Variants in SNX29 observed in about 807,000 individuals in gnomAD.
SNX29 encodes the protein sorting nexin 29.
Under a neutral mutation model 102.1 loss-of-function variants are expected in SNX29, and 78 were observed. The ratio of observed to expected loss-of-function variants is 0.76; its 90% CI spans 0.64 to 0.92. The LOEUF (loss-of-function observed/expected upper bound fraction) is 0.92, where lower values mean the gene tolerates loss of function less well. SNX29 is among the 40% of genes least tolerant of loss of function. The pLI is 0.00. For synonymous variants in SNX29, 580 were observed against 414.5 expected, an observed-to-expected ratio of 1.40 and a Z score of -4.85; for missense variants, 1,280 against 1,061.7, an observed-to-expected ratio of 1.21 and a Z score of -2.86.
intron 14 of SNX29, among the ~76,000 whole-genome samples, chr16:12,273,451 C>T (rs772969112): frequency 6.6e-6 from 1 of 150,698 alleles, no homozygotes; most frequent in Admixed American, 6.6e-5. Context: ...CTCTGCCTCC[C>T]GGATTCAAGT....
intron 2 of SNX29, 46 bp downstream of exon 2, chr16:11,999,404 C>T (rs1186229420): frequency 6.3e-7 from 1 of 1,585,578 alleles, no homozygotes; most frequent in African/African-American, 1.3e-5. Flanking sequence ...GTAATAGTGT[C>T]AGATAATTAA....
chr16:12,149,326 C>T (rs910080989), intron 13 of SNX29, among the ~76,000 whole-genome samples: 1 of 152,128 alleles, frequency 6.6e-6, no homozygotes, highest in Admixed American at 6.5e-5. Flanking sequence ...TTCTCACTGG[C>T]CTGAACTTAC....
chr16:12,525,040 G>T (rs1367950227), intron 20 of SNX29, among the ~76,000 whole-genome samples, 199 bp downstream of exon 20: 2 of 152,174 alleles, frequency 1.3e-5, no homozygotes, highest in African/African-American at 4.8e-5. Context: ...GATGGGAAGA[G>T]AGCAGGCCTG....
At chr16:12,434,390 C>A (rs1035305884) in intron 18 of SNX29, among the ~76,000 whole-genome samples, 1 of 152,112 alleles carries the variant, frequency 6.6e-6, no homozygotes, top group Admixed American at 6.6e-5. Flanking sequence ...GGCCTGTACC[C>A]TGAAAACTGC....
At chr16:12,015,599 G>A (rs752143018) in intron 3 of SNX29, among the ~76,000 whole-genome samples, 3 of 148,814 alleles carry the variant, frequency 2.0e-5, no homozygotes, top group African/African-American at 5.0e-5. Flanking sequence ...GCAGTGATGC[G>A]ATCTTGGCTC....
At chr16:12,217,463 A>T (rs151144490) in intron 14 of SNX29, among the ~76,000 whole-genome samples, 104 of 152,252 alleles carry the variant, frequency 6.8e-4, no homozygotes, top group African/African-American at 2.3e-3. Flanking sequence ...GTCTCTACTC[A>T]ATACTTTGAA....
intron 14 of SNX29, among the ~76,000 whole-genome samples, chr16:12,270,615 A>C (rs963688725): frequency 6.6e-6 from 1 of 152,194 alleles, no homozygotes; most frequent in South Asian, 2.1e-4. Flanking sequence ...GTAAATATTA[A>C]TCCTTATGCT....
At chr16:12,431,538 C>T (rs547082751) in intron 18 of SNX29, among the ~76,000 whole-genome samples, 1 of 149,406 alleles carries the variant, frequency 6.7e-6, no homozygotes, top group African/African-American at 2.5e-5. Flanking sequence ...TGAAAAAAGT[C>T]AGCTCTGATA....
chr16:12,343,700 G>A (rs775802013), intron 15 of SNX29, among the ~76,000 whole-genome samples: 3 of 150,804 alleles, frequency 2.0e-5, no homozygotes, highest in Non-Finnish European at 4.4e-5. Context: ...CACGAGATAG[G>A]GAGCTCTGTG....
chr16:12,351,531 G>C (rs1015441876), intron 15 of SNX29, among the ~76,000 whole-genome samples: 1 of 152,190 alleles, frequency 6.6e-6, no homozygotes, highest in Non-Finnish European at 1.5e-5. Context: ...TTACTTGAAT[G>C]TGATTAGATG....
intron 15 of SNX29, among the ~76,000 whole-genome samples, chr16:12,350,894 T>A (rs1302964801): frequency 1.4e-4 from 22 of 152,166 alleles, no homozygotes; most frequent in Admixed American, 1.4e-3. Context: ...TGACTAGTGA[T>A]CAGCTTGGGT....
At chr16:11,988,658 C>A (rs779498484) in intron 1 of SNX29, among the ~76,000 whole-genome samples, 2 of 152,088 alleles carry the variant, frequency 1.3e-5, no homozygotes, top group African/African-American at 2.4e-5. Context: ...TCTCTACCTC[C>A]CAAAATGCCA....
intron 14 of SNX29, among the ~76,000 whole-genome samples, chr16:12,210,373 G>A (rs1387989661): frequency 1.3e-5 from 2 of 150,908 alleles, no homozygotes; most frequent in Non-Finnish European, 2.9e-5. Context: ...TGTTGCCCAG[G>A]CTGGAGCGCA....
chr16:12,125,218 C>T (rs868609491), intron 11 of SNX29, among the ~76,000 whole-genome samples: 3 of 152,090 alleles, frequency 2.0e-5, no homozygotes, highest in African/African-American at 4.8e-5. Flanking sequence ...GGTTCAAGCC[C>T]GTTGAAAGAA....
intron 11 of SNX29, among the ~76,000 whole-genome samples, chr16:12,110,828 A>ATT (rs1200927051): frequency 6.7e-6 from 1 of 150,190 alleles, no homozygotes; most frequent in Non-Finnish European, 1.5e-5. Flanking sequence ...TTTCTTTTTT[A>ATT]ATTTTTTTTT....
intron 18 of SNX29, among the ~76,000 whole-genome samples, chr16:12,421,447 C>G (rs994207349): frequency 2.0e-5 from 3 of 152,220 alleles, no homozygotes; most frequent in African/African-American, 7.2e-5. Context: ...TAAAAGCCAG[C>G]TGTGTTGTAA....
At chr16:12,170,352 G>A (rs942434462) in intron 13 of SNX29, among the ~76,000 whole-genome samples, 13 of 152,030 alleles carry the variant, frequency 8.6e-5, no homozygotes, top group African/African-American at 2.4e-4. Context: ...TGGGGAGGCC[G>A]TGTAGCGTTT....
rs2083212569 is a variant in SNX29 at position 12,382,701 on chromosome 16, A to G, written c.1900-15745A>G. 2.6e-5 allele frequency among the ~76,000 whole-genome samples: 4 copies of G among 152,194 alleles called. No homozygotes were observed. The South Asian group carries it at 8.3e-4, about 32-fold the overall frequency. On this transcript the variant is annotated intron_variant, in intron 16 of 20. Coordinates refer to ENST00000566228, the MANE Select transcript of SNX29 (RefSeq NM_032167.5). ...CAGAGTCGGCAATCACGGTGCCAGCAGTGGCAGGGCTGTGTTCCCCCTGGA... is the reference window on the plus strand; with the variant it reads ...CAGAGTCGGCAATCACGGTGCCAGCGGTGGCAGGGCTGTGTTCCCCCTGGA...
At chr16:12,311,657 G>A (rs376556251) in intron 15 of SNX29, among the ~76,000 whole-genome samples, 2 of 152,158 alleles carry the variant, frequency 1.3e-5, no homozygotes, top group African/African-American at 2.4e-5. Flanking sequence ...CCCTTCACCC[G>A]GCTTATTTCC....
Sources: allele counts gnomAD v4.1 joint callset (sites outside exome capture counted in the v4.1 genomes callset), GRCh38; gene constraint gnomAD v4.1.1; transcripts MANE v1.5; gene names NCBI Gene and HGNC (gene_info 2026-07-23, HGNC 2026-07-21).